Variants in HFM1 observed in about 807,000 individuals in gnomAD.
HFM1 encodes probable ATP-dependent DNA helicase HFM1.
In HFM1, 169 loss-of-function variants were observed where a neutral mutation model predicts 192.1. The observed-to-expected ratio is 0.88, with a 90% CI of 0.78 to 1.00. The LOEUF is 1.00. Among genes scored for constraint, HFM1 ranks in the 50% least tolerant of loss-of-function variants. The pLI, the probability that HFM1 is intolerant of heterozygous loss-of-function variation, is 0.00. For missense variants in HFM1, 1,661 were observed against 1,668.0 expected, an observed-to-expected ratio of 1.00 and a Z score of 0.07; for synonymous variants, 525 against 537.8, an observed-to-expected ratio of 0.98 and a Z score of 0.33.
intron 2 of HFM1, among the ~76,000 whole-genome samples, chr1:91,400,033 GATTT>G (rs1241767075): frequency 6.6e-6 from 1 of 152,108 alleles, no homozygotes; most frequent in African/African-American, 2.4e-5. Context: ...TCTTCAACTA[GATTT>G]TAAGTACTTT....
intron 25 of HFM1, among the ~76,000 whole-genome samples, chr1:91,318,724 T>A (rs1651623281): frequency 6.6e-6 from 1 of 152,186 alleles, no homozygotes; most frequent in Non-Finnish European, 1.5e-5. Flanking sequence ...TAACTCCACC[T>A]TGTAATTGAG....
At position 91,385,186 on chromosome 1, in the gene HFM1, C is replaced by G. The variant is rs142237948; in HGVS notation, c.802+1G>C. 2 of 1,524,966 alleles carry G rather than the reference C, an allele frequency of 1.3e-6. No individual in the cohort carries two copies. The highest frequency in any genetic ancestry group is 1.8e-6 in the Non-Finnish European group (2 of 1,106,418). 94.5% of individuals were successfully genotyped at this position (1,524,966 alleles called of 1,614,324 possible). A position where few individuals can be genotyped will look rare whatever the true frequency, so the allele number is the denominator to read the frequency against. Reference sequence around the variant, plus strand: ...GCTATTGTAAATAACTTAAAGGATACGAATTTCTGTGACAGCCTTCAAGGA... The same window carrying G: ...GCTATTGTAAATAACTTAAAGGATAGGAATTTCTGTGACAGCCTTCAAGGA... On this transcript the variant is annotated splice_donor_variant, in intron 6 of 38. Transcript: ENST00000370425. LOFTEE classifies it high-confidence loss of function.
At chr1:91,359,014 C>T (rs1199052216) in intron 13 of HFM1, among the ~76,000 whole-genome samples, 1 of 152,188 alleles carries the variant, frequency 6.6e-6, no homozygotes, top group Non-Finnish European at 1.5e-5. Context: ...CAAACTGCGG[C>T]AGCTCTACAG....
intron 13 of HFM1, among the ~76,000 whole-genome samples, chr1:91,359,307 T>C (rs533495212): frequency 2.0e-5 from 3 of 152,196 alleles, no homozygotes; most frequent in Non-Finnish European, 4.4e-5. Flanking sequence ...CAAACTTCAC[T>C]GAGCTAAAGG....
intron 20 of HFM1, among the ~76,000 whole-genome samples, chr1:91,333,383 T>C (rs781202240): frequency 6.6e-6 from 1 of 152,152 alleles, no homozygotes; most frequent in Non-Finnish European, 1.5e-5. Context: ...CTTACTTATT[T>C]GTGGAATCTG....
rs770399929 is a variant in HFM1 at position 91,352,488 on chromosome 1, A to T, written c.1977+18T>A. ...TATCATGTTTTTAAGTATAAAAAGC[A>T]AAGTTATTGTCACTTACTTGAGGTC... is the stretch of plus-strand genomic sequence containing the variant. On this transcript the variant is annotated intron_variant, in intron 16 of 38. Transcript: ENST00000370425. 5.9e-6 allele frequency: 9 copies of T among 1,532,902 alleles called. No homozygotes were observed. The Admixed American group carries it at 1.9e-4, about 33-fold the overall frequency. The allele number at this position is 1,532,902 out of a possible 1,614,324, so 95.0% of individuals were successfully genotyped here.
chr1:91,375,366 C>T lies in HFM1; in HGVS notation c.1677G>A (p.Gln559=). 6.2e-7 allele frequency: 1 copy of T among 1,610,118 alleles called. No homozygotes were observed. Among genetic ancestry groups the T allele is most frequent in the Non-Finnish European group, 8.5e-7 (1 of 1,177,096 alleles). ...AAAATAAAATACTATACCTCTGTTT[C>T]TGTTCCACAGTCATAATAAATTTAG... ...KDAKFIMTVE[Q]KQRLQKYAYS... Residue 559 remains glutamine, a synonymous_variant, in exon 13 of 39, where the codon CAG becomes CAA. Coordinates refer to ENST00000370425, the MANE Select transcript of HFM1 (RefSeq NM_001017975.6).
intron 3 of HFM1, among the ~76,000 whole-genome samples, 198 bp downstream of exon 3, chr1:91,396,095 T>C (rs1045622919): frequency 6.6e-6 from 1 of 152,116 alleles, no homozygotes; most frequent in Non-Finnish European, 1.5e-5. Flanking sequence ...CCTCCCAGAC[T>C]TTCTAATTCT....
intron 20 of HFM1, among the ~76,000 whole-genome samples, chr1:91,334,622 G>T (rs547076838): frequency 3.7e-4 from 57 of 152,112 alleles, no homozygotes; most frequent in African/African-American, 1.3e-3. Context: ...TGATGAAATG[G>T]AATTCACTTA....
chr1:91,358,376 T>C (rs1658028838), intron 13 of HFM1, among the ~76,000 whole-genome samples: 1 of 152,090 alleles, frequency 6.6e-6, no homozygotes, highest in South Asian at 2.1e-4. Flanking sequence ...AAGTTGGAGC[T>C]ACACACTTTC....
chr1:91,368,085 T>C (rs1429453401), intron 13 of HFM1, among the ~76,000 whole-genome samples: 2 of 151,992 alleles, frequency 1.3e-5, no homozygotes, highest in Non-Finnish European at 2.9e-5. Flanking sequence ...CTCCAAGAAA[T>C]ATGGGACTAT....
intron 30 of HFM1, among the ~76,000 whole-genome samples, chr1:91,293,190 A>G (rs994633848): frequency 6.6e-6 from 1 of 152,194 alleles, no homozygotes; most frequent in African/African-American, 2.4e-5. Flanking sequence ...AACAAAAGCC[A>G]AAATTGACAA....
intron 5 of HFM1, 66 bp downstream of exon 5, chr1:91,385,509 T>TC: frequency 7.7e-7 from 1 of 1,299,426 alleles, no homozygotes; most frequent in South Asian, 1.5e-5. Context: ...TTTTACATTT[T>TC]CCCCCATGCT....
intron 1 of HFM1, among the ~76,000 whole-genome samples, chr1:91,404,117 C>T (rs1042947793): frequency 3.3e-5 from 5 of 152,146 alleles, no homozygotes; most frequent in Admixed American, 6.5e-5. Context: ...GAAAAATCAA[C>T]GGGAACAAAT....
chr1:91,380,028 T>C, intron 8 of HFM1, 76 bp downstream of exon 8: 1 of 665,354 alleles, frequency 1.5e-6, no homozygotes, highest in Non-Finnish European at 2.3e-6. Flanking sequence ...GGCCAGAAAC[T>C]GAATTTATTT....
At chr1:91,266,193 C>T (rs1467087207) in intron 35 of HFM1, 86 bp from the exon 36 acceptor site, 8 of 980,344 alleles carry the variant, frequency 8.2e-6, no homozygotes, top group Non-Finnish European at 1.2e-5. Flanking sequence ...TTCTCTCCAA[C>T]AGATATGATC....
intron 20 of HFM1, chr1:91,329,084 G>C: frequency 6.2e-7 from 1 of 1,609,768 alleles, no homozygotes; most frequent in Non-Finnish European, 8.5e-7. Flanking sequence ...ACTACTGTAA[G>C]AGTATCTGGA....
At chr1:91,391,282 C>G (rs1275604088) in intron 4 of HFM1, among the ~76,000 whole-genome samples, 1 of 152,232 alleles carries the variant, frequency 6.6e-6, no homozygotes, top group Non-Finnish European at 1.5e-5. Flanking sequence ...AAAACAGAGC[C>G]CGCATTGCCA....
In HFM1 at chr1:91,324,764, C is replaced by T. The variant is rs1461822231; in HGVS notation, c.2338G>A (p.Ala780Thr). The T allele has an allele frequency of 3.2e-6, 5 of 1,538,854 alleles. No individual in the cohort carries two copies. In the African/African-American group the frequency reaches 6.8e-5, roughly 21 times the overall value. ...DEGVNFKPTE[A>T]GRLMAWYYIT... The stretch of plus-strand genomic sequence containing the variant: ...TAATACCAAGCCATCAATCTTCCTG[C>T]TTCTGTAAGAAAAGACAGAAAAATG... Residue 780 changes from alanine (A) to threonine (T), a missense_variant and splice_region_variant, in exon 21 of 39, where the codon GCA (alanine) becomes ACA (threonine). Transcript: ENST00000370425.
Sources: allele counts gnomAD v4.1 joint callset (sites outside exome capture counted in the v4.1 genomes callset), GRCh38; gene constraint gnomAD v4.1.1; transcripts MANE v1.5; gene names NCBI Gene and HGNC (gene_info 2026-07-23, HGNC 2026-07-21).